Variants in ZNF487 observed in about 807,000 individuals in gnomAD.
ZNF487 encodes the protein KRAB domain only 1.
ZNF487 carries 4 observed loss-of-function variants against 3.0 expected under a neutral mutation model. That is an observed-to-expected ratio of 1.35 (90% CI 0.66 to 3.08). The LOEUF is 3.08. Ranked by LOEUF, ZNF487 falls within the 30% of genes most tolerant of loss-of-function variation. The pLI, the probability that ZNF487 is intolerant of heterozygous loss-of-function variation, is 0.01. For synonymous variants in ZNF487, 55 were observed against 34.6 expected (o/e 1.59, Z -2.06); for missense variants, 146 against 98.7 (o/e 1.48, Z -2.03).
chr10:43,449,529 CTG>C (rs1359795693), intron 1 of ZNF487, among the ~76,000 whole-genome samples: 3 of 152,014 alleles, frequency 2.0e-5, no homozygotes, highest in African/African-American at 7.3e-5. Context: ...GAGTTAACAG[CTG>C]TGTTACAGAA....
chr10:43,455,818 G>A (rs1156876199), intron 1 of ZNF487, among the ~76,000 whole-genome samples: 1 of 152,260 alleles, frequency 6.6e-6, no homozygotes, highest in Non-Finnish European at 1.5e-5. Flanking sequence ...GGCCTTAGCG[G>A]CGTTTGCTGC....
At chr10:43,521,866 T>C in the ZNF487 span, among the ~76,000 whole-genome samples, 3 of 150,346 alleles carry the variant, frequency 2.0e-5, no homozygotes, top group African/African-American at 7.3e-5. Context: ...TATACACACG[T>C]ATATATTATA....
the ZNF487 span, among the ~76,000 whole-genome samples, chr10:43,514,763 A>C: frequency 6.6e-6 from 1 of 152,346 alleles, no homozygotes. Context: ...TAGATCTGAC[A>C]TACAGAGAAG....
chr10:43,478,597 AGT>A (rs1841191784), intron 3 of ZNF487, among the ~76,000 whole-genome samples: 1 of 152,020 alleles, frequency 6.6e-6, no homozygotes, highest in Non-Finnish European at 1.5e-5. Flanking sequence ...GTCATACACC[AGT>A]AGTCTCAGTT....
intron 3 of ZNF487, among the ~76,000 whole-genome samples, chr10:43,476,787 G>A (rs757210126): frequency 1.3e-5 from 2 of 152,184 alleles, no homozygotes; most frequent in African/African-American, 2.4e-5. Context: ...GCCAGGCTGC[G>A]TGGAAGTCAA....
chr10:43,486,401 T>C (rs567320066), downstream of ZNF487, among the ~76,000 whole-genome samples: 15 of 152,076 alleles, frequency 9.9e-5, no homozygotes, highest in South Asian at 3.1e-3. Flanking sequence ...TGGTGCATGC[T>C]TGTAATCCCA....
chr10:43,519,331 T>C, the ZNF487 span, among the ~76,000 whole-genome samples: 4,062 of 152,306 alleles, frequency 0.027, 88 homozygotes, highest in South Asian at 0.04. Flanking sequence ...ATATTTGTTA[T>C]GATCTTGCTC....
intron 1 of ZNF487, among the ~76,000 whole-genome samples, chr10:43,461,384 A>G (rs935248900): frequency 3.3e-5 from 5 of 151,164 alleles, no homozygotes; most frequent in Non-Finnish European, 7.4e-5. Flanking sequence ...TGGTGTGATG[A>G]TCATAACTCA....
chr10:43,447,009 C>A (rs545921214), intron 1 of ZNF487, among the ~76,000 whole-genome samples: 1 of 151,832 alleles, frequency 6.6e-6, no homozygotes, highest in African/African-American at 2.4e-5. Flanking sequence ...CTGGCCAACA[C>A]GGCGAAACCC....
At position 43,458,425 on chromosome 10, in the gene ZNF487, C is replaced by T. The variant is rs113468998; in HGVS notation, c.-93-17296C>T. 1.3e-3 allele frequency among the ~76,000 whole-genome samples: 193 copies of T among 152,260 alleles called. 1 individual carries two copies. The highest frequency in any genetic ancestry group is 4.5e-3 in the African/African-American group (186 of 41,552). ...TGCATTCTTTTGAGTTGCTAATTAG[C>T]CTCTTCAAAGGAGGCAATCAGCTTT... On this transcript the variant is annotated intron_variant, in intron 1 of 3. Transcript: ENST00000437590.
chr10:43,478,306 G>C (rs1357866606), intron 3 of ZNF487, among the ~76,000 whole-genome samples: 1 of 152,144 alleles, frequency 6.6e-6, no homozygotes, highest in Non-Finnish European at 1.5e-5. Flanking sequence ...TAGAATCCCA[G>C]CACTTTGGAA....
At chr10:43,510,100 A>G in the ZNF487 span, among the ~76,000 whole-genome samples, 2 of 152,336 alleles carry the variant, frequency 1.3e-5, no homozygotes, top group East Asian at 3.9e-4. Context: ...TGATAAAGGG[A>G]AAGGAAATAA....
the ZNF487 span, among the ~76,000 whole-genome samples, chr10:43,519,653 A>G: frequency 6.6e-6 from 1 of 152,106 alleles, no homozygotes; most frequent in African/African-American, 2.4e-5. Context: ...TTTTTAGTAG[A>G]AACGGAGTTT....
chr10:43,462,772 T>C (rs1033203063), intron 1 of ZNF487, among the ~76,000 whole-genome samples: 8 of 150,862 alleles, frequency 5.3e-5, no homozygotes, highest in South Asian at 2.1e-4. Flanking sequence ...TTCTTTCTTT[T>C]TTTTTTTATA....
the ZNF487 span, among the ~76,000 whole-genome samples, chr10:43,516,902 G>A: frequency 2.6e-5 from 4 of 152,154 alleles, no homozygotes; most frequent in Non-Finnish European, 5.9e-5. Context: ...CCTGTTCAGA[G>A]CCTATTTCAA....
At chr10:43,440,612 T>C (rs978948504) in intron 1 of ZNF487, among the ~76,000 whole-genome samples, 14 of 151,128 alleles carry the variant, frequency 9.3e-5, no homozygotes, top group Admixed American at 3.3e-4. Context: ...GAGCTGAGAT[T>C]GCGCCACTGC....
chr10:43,515,615 T>C, the ZNF487 span, among the ~76,000 whole-genome samples: 106 of 152,356 alleles, frequency 7.0e-4, no homozygotes, highest in South Asian at 2.5e-3. Context: ...GGCTGTGCAT[T>C]CACCTTTTGT....
chr10:43,486,467 G>A (rs867066910), downstream of ZNF487, among the ~76,000 whole-genome samples: 215 of 151,862 alleles, frequency 1.4e-3, 4 homozygotes, highest in Non-Finnish European at 4.0e-4. Flanking sequence ...CGGAGGTTGC[G>A]GTGAGCCGAG....
At chr10:43,507,988 G>C in the ZNF487 span, among the ~76,000 whole-genome samples, 1 of 152,242 alleles carries the variant, frequency 6.6e-6, no homozygotes, top group Non-Finnish European at 1.5e-5. Context: ...GCTAAGGATA[G>C]TTTCAGTCCA....
Sources: gnomAD v4.1 joint callset for allele counts (sites outside exome capture counted in the v4.1 genomes callset) on GRCh38, gnomAD v4.1.1 for gene constraint, MANE v1.5 for transcripts, NCBI Gene and HGNC (gene_info 2026-07-23, HGNC 2026-07-21) for gene names.